Variants in NELL1 observed in about 807,000 individuals in gnomAD.
NELL1 encodes the protein neural EGFL like 1.
Under a neutral mutation model 107.4 loss-of-function variants are expected in NELL1, and 76 were observed. The observed-to-expected ratio is 0.71, with a 90% CI of 0.59 to 0.86. The LOEUF is 0.86. Among genes scored for constraint, NELL1 ranks in the 40% least tolerant of loss-of-function variants. The pLI, the probability that NELL1 is intolerant of heterozygous loss-of-function variation, is 0.00. For synonymous variants in NELL1, 353 were observed against 341.2 expected (o/e 1.03, Z -0.38); for missense variants, 1,024 against 1,005.5 (o/e 1.02, Z -0.25).
At chr11:21,265,090 T>C (rs1017555354) in intron 14 of NELL1, among the ~76,000 whole-genome samples, 1 of 151,984 alleles carries the variant, frequency 6.6e-6, no homozygotes, top group Non-Finnish European at 1.5e-5. Context: ...TTCCAATTTC[T>C]AATTTACCTG....
At chr11:21,328,649 C>T (rs997003857) in intron 14 of NELL1, among the ~76,000 whole-genome samples, 5 of 152,278 alleles carry the variant, frequency 3.3e-5, no homozygotes, top group African/African-American at 1.2e-4. Context: ...ACTGCAGACA[C>T]TCAACACCAG....
chr11:20,696,874 G>C (rs1018409903), intron 2 of NELL1, among the ~76,000 whole-genome samples: 1 of 152,138 alleles, frequency 6.6e-6, no homozygotes, highest in African/African-American at 2.4e-5. Context: ...AAAAGAAAGT[G>C]ATATACATAA....
At chr11:21,097,981 A>T (rs1331214326) in intron 12 of NELL1, among the ~76,000 whole-genome samples, 2 of 151,966 alleles carry the variant, frequency 1.3e-5, no homozygotes, top group Non-Finnish European at 2.9e-5. Flanking sequence ...AACTCCAAAA[A>T]AAAAAAAAAA....
intron 1 of NELL1, among the ~76,000 whole-genome samples, chr11:20,675,979 G>A (rs1345234048): frequency 4.6e-5 from 7 of 152,032 alleles, no homozygotes; most frequent in African/African-American, 1.7e-4. Flanking sequence ...AAACTCCTGA[G>A]CTCAAACAGT....
rs144658677 is a variant in NELL1, at chr11:21,534,399, C to A, written c.1671C>A (p.Ile557=). Residue 557 remains isoleucine (I), a synonymous_variant, in exon 16 of 20, where the codon ATC becomes ATA. Transcript: ENST00000357134. ...EKDIDECSEG[I]IECHNHSRCV... is the part of the protein sequence containing the mutation. ...ATATTGATGAATGTTCAGAGGGAAT[C>A]ATTGAGTGCCACAACCATTCCCGCT... 11 of 1,613,754 alleles carry A rather than the reference C, an allele frequency of 6.8e-6. No individual in the cohort carries two copies. The highest frequency in any genetic ancestry group is 6.7e-5 in the Admixed American group (4 of 59,976).
At chr11:21,075,617 T>C (rs1854116068) in intron 12 of NELL1, among the ~76,000 whole-genome samples, 1 of 152,134 alleles carries the variant, frequency 6.6e-6, no homozygotes, top group Non-Finnish European at 1.5e-5. Flanking sequence ...TTTTTAATTG[T>C]TTTCTTGCAG....
chr11:21,274,306 C>T (rs923762805), intron 14 of NELL1, among the ~76,000 whole-genome samples: 5 of 151,582 alleles, frequency 3.3e-5, no homozygotes, highest in Admixed American at 3.3e-4. Context: ...GAGACAAGTC[C>T]ATTACATAAT....
In NELL1 at chr11:21,240,416, T is replaced by C. The variant is rs953701408; in HGVS notation, c.1549+10962T>C. The stretch of plus-strand genomic sequence containing the variant: ...GGGGAACTTCTTAATTCCAATTTAG[T>C]TCTAAGAGAAGGAAGAGTATTTAGG... On this transcript the variant is annotated intron_variant, in intron 14 of 19. Coordinates refer to ENST00000357134, the MANE Select transcript of NELL1 (RefSeq NM_006157.5). Among the ~76,000 whole-genome samples, 24 of 151,932 alleles carry C rather than the reference T, an allele frequency of 1.6e-4. 1 individual carries two copies. Among genetic ancestry groups the C allele is most frequent in the Admixed American group, 8.5e-4 (13 of 15,238 alleles).
intron 14 of NELL1, among the ~76,000 whole-genome samples, chr11:21,233,097 A>G (rs1390665277): frequency 1.3e-5 from 2 of 152,238 alleles, no homozygotes; most frequent in African/African-American, 2.4e-5. Flanking sequence ...TTTCTGAAAC[A>G]ATACTAATTG....
At chr11:20,718,464 T>TG (rs200718865) in intron 2 of NELL1, among the ~76,000 whole-genome samples, 105,932 of 135,818 alleles carry the variant, frequency 0.78, 40,629 homozygotes, top group East Asian at 0.94. Flanking sequence ...ATTTATTCAT[T>TG]TTTTTTTTTT....
At chr11:21,442,144 A>G (rs183181352) in intron 15 of NELL1, among the ~76,000 whole-genome samples, 66 of 152,308 alleles carry the variant, frequency 4.3e-4, no homozygotes, top group Non-Finnish European at 8.8e-5. Context: ...GCATTTACCT[A>G]ATCACCTTCT....
chr11:21,169,785 C>A (rs527874363), intron 13 of NELL1: 182 of 1,314,406 alleles, frequency 1.4e-4, no homozygotes, highest in Non-Finnish European at 1.7e-4. Flanking sequence ...TCCCTCCTGC[C>A]GGGCACCCGG....
chr11:20,754,674 A>T (rs1295407412), intron 2 of NELL1, among the ~76,000 whole-genome samples: 1 of 152,250 alleles, frequency 6.6e-6, no homozygotes, highest in Non-Finnish European at 1.5e-5. Flanking sequence ...TTTAATATTT[A>T]AAAAAGTATA....
At chr11:20,701,748 C>T (rs1334056773) in intron 2 of NELL1, among the ~76,000 whole-genome samples, 1 of 152,126 alleles carries the variant, frequency 6.6e-6, no homozygotes, top group South Asian at 2.1e-4. Flanking sequence ...TTTCCCAGCA[C>T]CATTTATTAA....
intron 15 of NELL1, among the ~76,000 whole-genome samples, chr11:21,396,055 A>G (rs11600592): frequency 0.096 from 14,566 of 151,516 alleles, 896 homozygotes; most frequent in South Asian, 0.17. Flanking sequence ...TTTCACTTCT[A>G]TATACCTGGC....
intron 14 of NELL1, among the ~76,000 whole-genome samples, chr11:21,336,761 C>T (rs1850411832): frequency 6.6e-6 from 1 of 151,344 alleles, no homozygotes; most frequent in Non-Finnish European, 1.5e-5. Flanking sequence ...GTCTGTTTTT[C>T]ACTGCTGTAC....
chr11:20,755,563 T>TTTTATTTA (rs1856256252), intron 2 of NELL1, among the ~76,000 whole-genome samples: 2 of 19,114 alleles, frequency 1.0e-4, no homozygotes. Context: ...TTTGTTTTTG[T>TTTTATTTA]TTTTTTTTTT....
At position 21,226,342 on chromosome 11, in the gene NELL1, C is replaced by T. The variant is rs191380947; in HGVS notation, c.1427-2990C>T. On this transcript the variant is annotated intron_variant, in intron 13 of 19. Coordinates refer to ENST00000357134, the MANE Select transcript of NELL1 (RefSeq NM_006157.5). The stretch of plus-strand genomic sequence containing the variant: ...GCATTATGATATCATTTCCACATTT[C>T]ATGGTTTAGTTTCAGCCACATCCAA... 3.3e-3 allele frequency among the ~76,000 whole-genome samples: 498 copies of T among 152,292 alleles called. 1 individual carries two copies. The highest frequency in any genetic ancestry group is 4.5e-3 in the Non-Finnish European group (304 of 68,024).
At chr11:21,157,262 T>C (rs1856264286) in intron 13 of NELL1, among the ~76,000 whole-genome samples, 2 of 152,180 alleles carry the variant, frequency 1.3e-5, no homozygotes, top group South Asian at 2.1e-4. Context: ...TAGAATGATA[T>C]TATGCTTGTC....
Sources: allele counts gnomAD v4.1 joint callset (sites outside exome capture counted in the v4.1 genomes callset), GRCh38; gene constraint gnomAD v4.1.1; transcripts MANE v1.5; gene names NCBI Gene and HGNC (gene_info 2026-07-23, HGNC 2026-07-21).